The following ANK1 variants were observed in gnomAD, a reference collection of about 807,000 sequenced individuals.
ANK1 encodes ankyrin 1.
Under a neutral mutation model 210.4 loss-of-function variants are expected in ANK1, and 51 were observed. That is an observed-to-expected ratio of 0.24 (90% CI 0.19 to 0.31). The LOEUF is 0.31. Ranked by LOEUF, ANK1 falls within the 10% of genes least tolerant of loss-of-function variation. The pLI is 1.00. For synonymous variants in ANK1, 967 were observed against 1,025.9 expected (o/e 0.94, Z 1.10); for missense variants, 2,051 against 2,504.4 (o/e 0.82, Z 3.86).
chr8:41,660,585 C>A (rs531259403), intron 42 of ANK1: 4 of 447,714 alleles, frequency 8.9e-6, no homozygotes, highest in South Asian at 6.6e-5. Flanking sequence ...GGTCGCACAG[C>A]GTCTTCATGT....
chr8:41,775,253 C>A (rs1356463060), intron 1 of ANK1, among the ~76,000 whole-genome samples: 1 of 152,204 alleles, frequency 6.6e-6, no homozygotes, highest in African/African-American at 2.4e-5. Context: ...GCAGGCGGGG[C>A]CGACCAGGGG....
intron 1 of ANK1, among the ~76,000 whole-genome samples, chr8:41,866,433 ATCC>A (rs149325670): frequency 0.022 from 3,377 of 152,222 alleles, 122 homozygotes; most frequent in African/African-American, 0.077. Flanking sequence ...GCCTCAAGTA[ATCC>A]TCCTGCCTTG....
At position 41,700,400 on chromosome 8, in the gene ANK1, A is replaced by G. The variant is rs777073378; in HGVS notation, c.2462-852T>C. The G allele has an allele frequency of 6.2e-6, 10 of 1,609,090 alleles. No individual in the cohort carries two copies. The African/African-American group carries it at 1.3e-4, about 22-fold the overall frequency. On this transcript the variant is annotated intron_variant, in intron 22 of 42. Transcript: ENST00000289734. ...AGGGTGAAATGCACTCTAGTGAGAA[A>G]AGACCACAGTAAACAGAAAGCATTT... is the stretch of plus-strand genomic sequence containing the variant.
rs1828288758 is a variant in ANK1 at position 41,718,320 on chromosome 8, T to A, written c.1108-116A>T. The stretch of plus-strand genomic sequence containing the variant: ...AGCTGCTGCCCAGGCCACCAGCAGA[T>A]GCCCATAGACCAATCAACGAATTAA... On this transcript the variant is annotated intron_variant, in intron 10 of 42. Coordinates refer to ENST00000289734, the MANE Select transcript of ANK1 (RefSeq NM_000037.4). 6.8e-6 allele frequency: 6 copies of A among 879,372 alleles called. No homozygotes were observed. In the South Asian group the frequency reaches 8.3e-5, roughly 12 times the overall value. 54.5% of individuals were successfully genotyped at this position (879,372 alleles called of 1,614,324 possible).
intron 7 of ANK1, 72 bp from the exon 8 acceptor site, chr8:41,723,705 C>A: frequency 2.2e-6 from 3 of 1,388,006 alleles, no homozygotes; most frequent in Non-Finnish European, 3.0e-6. Flanking sequence ...CACCCGCTCC[C>A]CTTGTCCCCA....
intron 2 of ANK1, among the ~76,000 whole-genome samples, chr8:41,752,035 T>C (rs1019552555): frequency 1.3e-5 from 2 of 151,966 alleles, no homozygotes; most frequent in African/African-American, 4.8e-5. Context: ...TGTTTCCTGC[T>C]CTCCCAAGAA....
chr8:41,686,259 C>T lies in ANK1; in HGVS notation c.4283G>A (p.Ser1428Asn). 1 of 1,614,006 alleles carries T rather than the reference C, an allele frequency of 6.2e-7. No individual in the cohort carries two copies. The highest frequency in any genetic ancestry group is 8.5e-7 in the Non-Finnish European group (1 of 1,180,038). Residue 1428 changes from serine to asparagine, a missense_variant, in exon 36 of 43, where the codon AGT (serine) becomes AAT (asparagine). Ser to Asn is a conservative substitution (Grantham distance 46). Transcript: ENST00000289734. ...TCGGATCCTGTTGATGTCTTCCACA[C>T]TGAACTGCAGCTCCCGGGCCAACTC... ...WAELARELQF[S>N]VEDINRIRVE...
Position 41,714,257 on chromosome 8 carries a change from G to T in ANK1, c.1702-3C>A. The T allele has an allele frequency of 6.4e-7, 1 of 1,555,374 alleles. No individual in the cohort carries two copies. Among genetic ancestry groups the T allele is most frequent in the Non-Finnish European group, 8.7e-7 (1 of 1,143,852 alleles). On this transcript the variant is annotated splice_polypyrimidine_tract_variant and splice_region_variant and intron_variant, in intron 15 of 42. Transcript: ENST00000289734. ...ACGTGCAGGGGGGTCAGGCCATTCTGCAGGGGACAAAGACAAAAGAGGCCG... is the reference window on the plus strand; with the variant it reads ...ACGTGCAGGGGGGTCAGGCCATTCTTCAGGGGACAAAGACAAAAGAGGCCG...
At chr8:41,788,873 C>T (rs1035081029) in intron 1 of ANK1, 1 of 152,318 alleles carries the variant, frequency 6.6e-6, no homozygotes, top group Admixed American at 6.5e-5. Flanking sequence ...TCAGAAGGCT[C>T]CTCAAACCAG....
intron 2 of ANK1, among the ~76,000 whole-genome samples, chr8:41,753,961 C>T (rs1586715416): frequency 6.6e-6 from 1 of 152,326 alleles, no homozygotes; most frequent in East Asian, 1.9e-4. Context: ...TCTGCTCCTC[C>T]CTCACCTCAG....
At chr8:41,666,753 C>G (rs570270167) in intron 39 of ANK1, among the ~76,000 whole-genome samples, 1 of 152,256 alleles carries the variant, frequency 6.6e-6, no homozygotes, top group African/African-American at 2.4e-5. Flanking sequence ...GCCCTCTGAT[C>G]GGCGTCTCCA....
intron 1 of ANK1, among the ~76,000 whole-genome samples, chr8:41,894,838 G>C (rs552616370): frequency 6.6e-6 from 1 of 151,994 alleles, no homozygotes; most frequent in Admixed American, 6.5e-5. Context: ...CCCAGCAGAG[G>C]GACCTGCGGA....
chr8:41,834,510 G>A (rs1166367748), intron 1 of ANK1, among the ~76,000 whole-genome samples: 2 of 152,204 alleles, frequency 1.3e-5, no homozygotes, highest in East Asian at 1.9e-4. Context: ...CAGGACACAA[G>A]TCACCACAGA....
rs1808190472 is a variant in ANK1, at chr8:41,661,530, AG to A, written c.5578del (p.Leu1860Ter). 1.9e-6 allele frequency: 3 copies of A among 1,613,918 alleles called. No individual in the cohort carries two copies. Among genetic ancestry groups the A allele is most frequent in the Non-Finnish European group, 2.5e-6 (3 of 1,180,012 alleles). ...ELRGSGLQPDLIEGRKGAQIV... is the reference protein window; with the variant it reads ...ELRGSGLQPDXIEGRKGAQIV... ...CTGCGCCCCCTTCCTGCCCTCTATC[AG>A]GTCCGGCTGTAGGCCACTCCCTCTC... On this transcript the variant is annotated frameshift_variant, in exon 42 of 43. Coordinates refer to ENST00000289734, the MANE Select transcript of ANK1 (RefSeq NM_000037.4). LOFTEE classifies it high-confidence loss of function.
In ANK1 at chr8:41,704,499, C is replaced by G. The variant is rs759708980; in HGVS notation, c.2098-27G>C. 3 of 1,586,770 alleles carry G rather than the reference C, an allele frequency of 1.9e-6. No homozygotes were observed. The highest frequency in any genetic ancestry group is 2.6e-6 in the Non-Finnish European group (3 of 1,155,150). ...TGAAAAGCAGATGAGAAGGAGTGACCGGAGCTGTCCTGAGCTGGGCATCAC... is the reference window on the plus strand; with the variant it reads ...TGAAAAGCAGATGAGAAGGAGTGACGGGAGCTGTCCTGAGCTGGGCATCAC... On this transcript the variant is annotated intron_variant, in intron 18 of 42. Coordinates refer to ENST00000289734, the MANE Select transcript of ANK1 (RefSeq NM_000037.4). The surrounding 1 kb of genome is among the most constrained non-coding windows in gnomAD (Gnocchi z 4.1).
intron 1 of ANK1, among the ~76,000 whole-genome samples, chr8:41,792,214 T>G (rs191375847): frequency 1.8e-4 from 28 of 152,298 alleles, no homozygotes; most frequent in Admixed American, 1.3e-4. Context: ...ACAATGCCAC[T>G]TCTCACTAGA....
At chr8:41,879,282 C>T (rs947162258) in intron 1 of ANK1, among the ~76,000 whole-genome samples, 17 of 151,968 alleles carry the variant, frequency 1.1e-4, no homozygotes, top group African/African-American at 3.6e-4. Flanking sequence ...TTGCTGCCCT[C>T]CTGCGTTTGT....
At chr8:41,716,224 T>C (rs1325736505) in intron 13 of ANK1, among the ~76,000 whole-genome samples, 1 of 152,128 alleles carries the variant, frequency 6.6e-6, no homozygotes, top group Non-Finnish European at 1.5e-5. Flanking sequence ...GTGTGGCTGC[T>C]CATCCGTCTC....
At chr8:41,806,081 G>C (rs1850925553) in intron 1 of ANK1, among the ~76,000 whole-genome samples, 1 of 152,214 alleles carries the variant, frequency 6.6e-6, no homozygotes, top group African/African-American at 2.4e-5. Flanking sequence ...TAACATTGCT[G>C]TATTATGAAG....
Sources: gnomAD v4.1 joint callset for allele counts (sites outside exome capture counted in the v4.1 genomes callset) on GRCh38, gnomAD v4.1.1 for gene constraint, Gnocchi (gnomAD v3.1) non-coding constraint, MANE v1.5 for transcripts, NCBI Gene and HGNC (gene_info 2026-07-23, HGNC 2026-07-21) for gene names.